Variants in ERC1 observed in about 807,000 individuals in gnomAD.
ERC1 encodes the protein ELKS/RAB6-interacting/CAST family member 1, also known as RAB6 interacting protein 2.
A neutral mutation model predicts 132.0 loss-of-function variants in ERC1; 56 were observed. That is an observed-to-expected ratio of 0.42 (90% CI 0.34 to 0.53). ERC1 has a LOEUF of 0.53. Among genes scored for constraint, ERC1 ranks in the 20% least tolerant of loss-of-function variants. The pLI is 0.03. For missense variants in ERC1, 1,202 were observed against 1,349.9 expected (o/e 0.89, Z 1.72); for synonymous variants, 478 against 476.1 (o/e 1.00, Z -0.05).
At chr12:1,239,592 C>T (rs984765035) in intron 13 of ERC1, among the ~76,000 whole-genome samples, 5 of 152,088 alleles carry the variant, frequency 3.3e-5, no homozygotes, top group Non-Finnish European at 5.9e-5. Context: ...ATGGTGTACA[C>T]GTACGGTCCC....
chr12:1,125,353 C>T (rs1948042653), intron 7 of ERC1, among the ~76,000 whole-genome samples: 1 of 151,840 alleles, frequency 6.6e-6, no homozygotes, highest in Non-Finnish European at 1.5e-5. Context: ...TCAAGTTGTT[C>T]CCCACTCCCC....
chr12:1,385,281 T>C (rs1391686820), intron 16 of ERC1, among the ~76,000 whole-genome samples: 1 of 152,114 alleles, frequency 6.6e-6, no homozygotes, highest in East Asian at 1.9e-4. Context: ...TACCTTCCTA[T>C]CTTTTTTTTT....
intron 7 of ERC1, among the ~76,000 whole-genome samples, chr12:1,121,753 C>A (rs1462130670): frequency 1.8e-4 from 1 of 5,584 alleles, no homozygotes; most frequent in African/African-American, 3.0e-4. Flanking sequence ...CTATCTCTAT[C>A]TCTATCTCTA....
At chr12:1,220,181 T>C (rs1047155454) in intron 12 of ERC1, among the ~76,000 whole-genome samples, 1 of 152,248 alleles carries the variant, frequency 6.6e-6, no homozygotes, top group African/African-American at 2.4e-5. Context: ...ACACTGTTTG[T>C]CACATCCAGT....
intron 15 of ERC1, among the ~76,000 whole-genome samples, chr12:1,368,969 C>A (rs2086918573): frequency 6.6e-6 from 1 of 152,024 alleles, no homozygotes; most frequent in South Asian, 2.1e-4. Context: ...ACATGATGAT[C>A]TGTTAGGGGA....
At chr12:1,479,870 G>A (rs934169862) in intron 18 of ERC1, among the ~76,000 whole-genome samples, 2 of 152,164 alleles carry the variant, frequency 1.3e-5, no homozygotes, top group African/African-American at 4.8e-5. Flanking sequence ...CAACAGCACG[G>A]AGCTGTCGTG....
intron 8 of ERC1, among the ~76,000 whole-genome samples, chr12:1,148,056 A>T (rs1352376267): frequency 6.6e-6 from 1 of 152,240 alleles, no homozygotes; most frequent in Non-Finnish European, 1.5e-5. Context: ...TCATGAGAAC[A>T]TGACAGCAAG....
chr12:1,296,681 T>A (rs2079977152), intron 15 of ERC1, among the ~76,000 whole-genome samples: 1 of 152,174 alleles, frequency 6.6e-6, no homozygotes, highest in Non-Finnish European at 1.5e-5. Context: ...ATTACAGGCG[T>A]CAGCCACCGT....
rs750140534 is a variant in ERC1, at chr12:1,488,523, C to CA, written c.3214-1564dup. ...TAGGCAATATAGACTCCCATCTCTCCAAAAAATTAAAATTTAAAACATTGG... is the reference window on the plus strand; with the variant it reads ...TAGGCAATATAGACTCCCATCTCTCCAAAAAAATTAAAATTTAAAACATTGG... On this transcript the variant is annotated intron_variant, in intron 18 of 18. Coordinates refer to ENST00000360905, the MANE Select transcript of ERC1 (RefSeq NM_178040.4). Among the ~76,000 whole-genome samples, 37 of 152,118 alleles carry CA rather than the reference C, an allele frequency of 2.4e-4. No homozygotes were observed. The Middle Eastern group carries it at 0.01, about 42-fold the overall frequency.
chr12:1,233,470 C>CAAAAAAAAAAAAAAAAAAAAA (rs60542316), intron 12 of ERC1, among the ~76,000 whole-genome samples: 1 of 71,502 alleles, frequency 1.4e-5, no homozygotes, highest in Non-Finnish European at 2.7e-5. Flanking sequence ...GACCCTGTCT[C>CAAAAAAAAAAAAAAAAAAAAA]AAAAAAAAAA....
intron 15 of ERC1, among the ~76,000 whole-genome samples, chr12:1,353,463 A>T (rs1220922710): frequency 6.6e-6 from 1 of 152,186 alleles, no homozygotes; most frequent in Non-Finnish European, 1.5e-5. Context: ...CAGCTCTTTC[A>T]GTCTTAATAA....
intron 15 of ERC1, among the ~76,000 whole-genome samples, chr12:1,313,758 GCGGATCCCCTGAGGT>G (rs1352618516): frequency 1.5e-4 from 23 of 152,104 alleles, no homozygotes; most frequent in Non-Finnish European, 2.2e-4. Context: ...GCCAAGCTGG[GCGGATCCCCTGAGGT>G]CGGGAGTTCG....
At chr12:1,192,257 A>G (rs1003465910) in intron 12 of ERC1, among the ~76,000 whole-genome samples, 2 of 152,232 alleles carry the variant, frequency 1.3e-5, no homozygotes, top group Admixed American at 1.3e-4. Flanking sequence ...ACTAAGGTAG[A>G]TTTTAGTTTC....
intron 15 of ERC1, among the ~76,000 whole-genome samples, chr12:1,333,389 G>C (rs921338465): frequency 1.4e-5 from 2 of 146,106 alleles, no homozygotes; most frequent in African/African-American, 2.6e-5. Context: ...CTGGAGTGCA[G>C]TGGCGCGACG....
chr12:1,240,308 C>G (rs1020739857), intron 13 of ERC1, among the ~76,000 whole-genome samples: 1 of 152,106 alleles, frequency 6.6e-6, no homozygotes, highest in Non-Finnish European at 1.5e-5. Flanking sequence ...TTTATTGAAG[C>G]TGAGTGGTGG....
chr12:1,487,372 ATTTTTTTTTTTTTT>A (rs574707385), intron 18 of ERC1, among the ~76,000 whole-genome samples: 5 of 57,920 alleles, frequency 8.6e-5, no homozygotes, highest in Admixed American at 6.7e-4. Flanking sequence ...AAGCATCTAG[ATTTTTTTTTTTTTT>A]TTTTTTTTTT....
intron 15 of ERC1, among the ~76,000 whole-genome samples, chr12:1,349,711 C>T (rs1252457458): frequency 6.6e-6 from 1 of 151,474 alleles, no homozygotes; most frequent in East Asian, 1.9e-4. Flanking sequence ...ATGTGTTGGC[C>T]GTTTTAGGTG....
chr12:1,290,097 T>TGGGGTAAA, intron 15 of ERC1, 85 bp downstream of exon 15: 1 of 1,169,540 alleles, frequency 8.6e-7, no homozygotes, highest in Non-Finnish European at 1.2e-6. Flanking sequence ...CTCTGTGTTT[T>TGGGGTAAA]ACCCCAATAC....
intron 16 of ERC1, among the ~76,000 whole-genome samples, chr12:1,394,921 T>C (rs571483763): frequency 3.3e-5 from 5 of 152,332 alleles, no homozygotes; most frequent in Admixed American, 6.5e-5. Context: ...TGTTCTTGGA[T>C]CCTGGCCATT....
Sources: gnomAD v4.1 joint callset for allele counts (sites outside exome capture counted in the v4.1 genomes callset) on GRCh38, gnomAD v4.1.1 for gene constraint, MANE v1.5 for transcripts, NCBI Gene and HGNC (gene_info 2026-07-23, HGNC 2026-07-21) for gene names.